Variants in MZT2B observed in about 807,000 individuals in gnomAD.
MZT2B encodes mitotic-spindle organizing protein 2B.
MZT2B carries 11 observed loss-of-function variants against 12.1 expected under a neutral mutation model. The ratio of observed to expected loss-of-function variants is 0.91; its 90% CI spans 0.57 to 1.50. MZT2B has a LOEUF of 1.50. MZT2B is among the 40% of genes most tolerant of loss of function. The pLI, the probability that MZT2B is intolerant of heterozygous loss-of-function variation, is 0.00. For synonymous variants in MZT2B, 85 were observed against 109.5 expected (o/e 0.78, Z 1.40); for missense variants, 209 against 227.7 (o/e 0.92, Z 0.53).
the MZT2B span, among the ~76,000 whole-genome samples, chr2:130,196,821 C>G: frequency 6.6e-6 from 1 of 152,166 alleles, no homozygotes; most frequent in African/African-American, 2.4e-5. Context: ...CCTCTCTCTG[C>G]CCCCCAGTTC....
downstream of MZT2B, chr2:130,194,454 T>C (rs1425792765): frequency 1.3e-6 from 2 of 1,562,336 alleles, no homozygotes; most frequent in Non-Finnish European, 1.7e-6. Flanking sequence ...TGCAGTCCTG[T>C]GCACAGATCC....
In MZT2B at chr2:130,182,468, G is replaced by T. The variant is rs1421498089; in HGVS notation, c.170+16G>T. 1 of 1,544,574 alleles carries T rather than the reference G, an allele frequency of 6.5e-7. No individual in the cohort carries two copies. Among genetic ancestry groups the T allele is most frequent in the Non-Finnish European group, 8.7e-7 (1 of 1,145,182 alleles). On this transcript the variant is annotated intron_variant, in intron 1 of 2. Transcript: ENST00000281871. ...ACGTGTTCAAGTGAGCGGGGCGGGT[G>T]GGGGCCGCATGCTAGCCAGACACCC... is the stretch of plus-strand genomic sequence containing the variant.
intron 2 of MZT2B, chr2:130,187,979 G>A (rs907685505): frequency 2.0e-5 from 3 of 151,898 alleles, no homozygotes; most frequent in African/African-American, 7.3e-5. Flanking sequence ...GTGAGTTTGG[G>A]GCAGCAATGA....
chr2:130,200,167 G>A, the MZT2B span, among the ~76,000 whole-genome samples: 6 of 151,822 alleles, frequency 4.0e-5, no homozygotes, highest in African/African-American at 7.2e-5. Context: ...CAAGTCAGGC[G>A]GATCGCGAGG....
chr2:130,201,427 G>T, the MZT2B span, among the ~76,000 whole-genome samples: 61,391 of 151,712 alleles, frequency 0.4, 12,552 homozygotes, highest in Admixed American at 0.48. Context: ...GTCCTCCCAC[G>T]GGGAGGTAGC....
chr2:130,184,979 A>G (rs890432027), intron 2 of MZT2B: 2 of 696,564 alleles, frequency 2.9e-6, no homozygotes, highest in Non-Finnish European at 3.5e-6. Flanking sequence ...AGCCTGGGCA[A>G]CATAGCAAGA....
At chr2:130,204,615 T>C in the MZT2B span, among the ~76,000 whole-genome samples, 44 of 144,914 alleles carry the variant, frequency 3.0e-4, no homozygotes, top group Non-Finnish European at 4.9e-4. Flanking sequence ...TGCTTGAACC[T>C]GGGAGGCGGA....
At chr2:130,201,151 G>A in the MZT2B span, among the ~76,000 whole-genome samples, 3 of 152,252 alleles carry the variant, frequency 2.0e-5, no homozygotes, top group African/African-American at 7.2e-5. Flanking sequence ...CCTCTGAACA[G>A]TGCAATCAGG....
At chr2:130,188,114 C>G (rs1466909213) in intron 2 of MZT2B, 1 of 152,070 alleles carries the variant, frequency 6.6e-6, no homozygotes, top group South Asian at 2.1e-4. Context: ...CCCTCTCATC[C>G]TTGTTTCCAG....
chr2:130,192,302 AAT>A (rs768037628), downstream of MZT2B, among the ~76,000 whole-genome samples: 1 of 152,196 alleles, frequency 6.6e-6, no homozygotes, highest in African/African-American at 2.4e-5. Context: ...CCAGACGAGG[AAT>A]AGAGAAAGGA....
At chr2:130,186,091 C>T (rs1305038023) in intron 2 of MZT2B, among the ~76,000 whole-genome samples, 1 of 151,926 alleles carries the variant, frequency 6.6e-6, no homozygotes, top group Non-Finnish European at 1.5e-5. Context: ...TCTGACCACA[C>T]AGAGCTCCGG....
chr2:130,183,999 T>G, intron 2 of MZT2B: 3 of 1,550,484 alleles, frequency 1.9e-6, no homozygotes, highest in Non-Finnish European at 2.6e-6. Context: ...TGGGGGTTGG[T>G]GCTCTCCCTT....
the MZT2B span, chr2:130,198,269 G>T: frequency 3.8e-6 from 5 of 1,307,858 alleles, 1 homozygote; most frequent in Middle Eastern, 2.4e-4. Context: ...TCCTCTCAGC[G>T]CCCAGGCCCG....
At chr2:130,187,300 C>T (rs1413517719) in intron 2 of MZT2B, among the ~76,000 whole-genome samples, 3 of 152,138 alleles carry the variant, frequency 2.0e-5, no homozygotes, top group Non-Finnish European at 4.4e-5. Context: ...AGACAATCCT[C>T]CCACCTCCTC....
chr2:130,201,827 A>G, the MZT2B span, among the ~76,000 whole-genome samples: 1 of 152,216 alleles, frequency 6.6e-6, no homozygotes, highest in African/African-American at 2.4e-5. Flanking sequence ...GCCACATGGT[A>G]TAGCATATAG....
chr2:130,189,531 ACAGGCCAGACCCTGC>A (rs1389178441), intron 2 of MZT2B, among the ~76,000 whole-genome samples: 1 of 152,154 alleles, frequency 6.6e-6, no homozygotes, highest in African/African-American at 2.4e-5. Context: ...TTTAGAGCCC[ACAGGCCAGACCCTGC>A]CAGGCCAGAG....
chr2:130,191,103 C>T (rs1690247825), downstream of MZT2B, among the ~76,000 whole-genome samples: 1 of 152,094 alleles, frequency 6.6e-6, no homozygotes, highest in African/African-American at 2.4e-5. Flanking sequence ...GTGCCCATCA[C>T]CACGCCCGGC....
chr2:130,198,016 A>G, the MZT2B span, among the ~76,000 whole-genome samples: 7 of 122,892 alleles, frequency 5.7e-5, 1 homozygote, highest in African/African-American at 1.2e-4. Flanking sequence ...AGGCTCCTGC[A>G]GCTCCTCAGC....
In MZT2B at chr2:130,184,312, A is replaced by G. The variant is rs557882077; in HGVS notation, c.319+1537A>G. 63 of 985,346 alleles carry G rather than the reference A, an allele frequency of 6.4e-5. No individual in the cohort carries two copies. In the African/African-American group the frequency reaches 8.9e-4, roughly 14 times the overall value. 61.0% of individuals were successfully genotyped at this position (985,346 alleles called of 1,614,324 possible). On this transcript the variant is annotated intron_variant, in intron 2 of 2. Transcript: ENST00000281871. ...GAGCACAGCCCCAGGCGTGACAAAC[A>G]CCTCGGCCTCTTAGAAGTTGTCCCT...
Sources: allele counts gnomAD v4.1 joint callset (sites outside exome capture counted in the v4.1 genomes callset), GRCh38; gene constraint gnomAD v4.1.1; transcripts MANE v1.5; gene names NCBI Gene and HGNC (gene_info 2026-07-23, HGNC 2026-07-21).